Variants in TSNARE1 observed in about 807,000 individuals in gnomAD.
TSNARE1 encodes the protein t-SNARE domain containing 1.
Under a neutral mutation model 62.0 loss-of-function variants are expected in TSNARE1, and 49 were observed. The ratio of observed to expected loss-of-function variants is 0.79; its 90% CI spans 0.63 to 1.00. The LOEUF (loss-of-function observed/expected upper bound fraction) is 1.00, where lower values mean the gene tolerates loss of function less well. Among genes scored for constraint, TSNARE1 ranks in the 50% least tolerant of loss-of-function variants. The pLI is 0.00. For missense variants in TSNARE1, 755 were observed against 700.1 expected (o/e 1.08, Z -0.88); for synonymous variants, 328 against 294.4 (o/e 1.11, Z -1.17).
intron 1 of TSNARE1, among the ~76,000 whole-genome samples, chr8:142,382,460 C>A (rs569115330): frequency 1.5e-4 from 23 of 152,326 alleles, no homozygotes; most frequent in African/African-American, 5.5e-4. Context: ...CCCTTCTGCT[C>A]GGGATGGCAG....
At chr8:142,218,859 C>A (rs1258768064) in intron 13 of TSNARE1, among the ~76,000 whole-genome samples, 1 of 152,222 alleles carries the variant, frequency 6.6e-6, no homozygotes, top group Non-Finnish European at 1.5e-5. Context: ...ATATTTAACT[C>A]TCTTCTGTGG....
intron 10 of TSNARE1, among the ~76,000 whole-genome samples, chr8:142,290,009 T>C (rs1235678640): frequency 6.6e-6 from 1 of 152,130 alleles, no homozygotes; most frequent in African/African-American, 2.4e-5. Context: ...CCCCAGGCAC[T>C]GTGGGCCCTG....
intron 6 of TSNARE1, among the ~76,000 whole-genome samples, chr8:142,329,590 C>G: frequency 6.6e-6 from 1 of 152,214 alleles, no homozygotes; most frequent in East Asian, 1.9e-4. Flanking sequence ...AAGTTATCTG[C>G]ATCAACAGGG....
At chr8:142,270,970 T>C (rs960297953) in intron 12 of TSNARE1, 11 of 985,092 alleles carry the variant, frequency 1.1e-5, no homozygotes, top group Non-Finnish European at 1.3e-5. Context: ...TGGACTGGAG[T>C]TGTCCCGGTG....
intron 1 of TSNARE1, among the ~76,000 whole-genome samples, chr8:142,358,739 C>A (rs1367933398): frequency 6.6e-6 from 1 of 151,364 alleles, no homozygotes; most frequent in Non-Finnish European, 1.5e-5. Flanking sequence ...CCCAGCAAGC[C>A]ACTCTGGGCC....
chr8:142,282,185 G>A (rs1821608827), intron 11 of TSNARE1, among the ~76,000 whole-genome samples: 1 of 152,144 alleles, frequency 6.6e-6, no homozygotes, highest in Non-Finnish European at 1.5e-5. Flanking sequence ...CCCTGGCCAG[G>A]CCTGCACGTT....
At chr8:142,354,297 C>T (rs1465930280) in intron 2 of TSNARE1, among the ~76,000 whole-genome samples, 3 of 152,116 alleles carry the variant, frequency 2.0e-5, no homozygotes, top group Admixed American at 6.5e-5. Context: ...TGCTCCACAC[C>T]GTCATTAGGA....
At chr8:142,249,489 G>T (rs530082457) in intron 12 of TSNARE1, among the ~76,000 whole-genome samples, 217 of 152,286 alleles carry the variant, frequency 1.4e-3, no homozygotes, top group African/African-American at 5.1e-3. Flanking sequence ...CCCGAGGAGG[G>T]CAGGTCCTGG....
At chr8:142,305,874 C>T (rs1022764947) in intron 9 of TSNARE1, among the ~76,000 whole-genome samples, 1 of 152,208 alleles carries the variant, frequency 6.6e-6, no homozygotes, top group African/African-American at 2.4e-5. Flanking sequence ...GAGACATGCT[C>T]TAACGTGAGT....
At chr8:142,307,229 G>A (rs1316733430) in intron 9 of TSNARE1, among the ~76,000 whole-genome samples, 1 of 152,136 alleles carries the variant, frequency 6.6e-6, no homozygotes, top group African/African-American at 2.4e-5. Flanking sequence ...TCACCAGTGG[G>A]CGTGGTGGCC....
intron 1 of TSNARE1, among the ~76,000 whole-genome samples, chr8:142,366,341 CTAATAAA>C (rs1835550558): frequency 6.6e-6 from 1 of 152,036 alleles, no homozygotes; most frequent in Non-Finnish European, 1.5e-5. Flanking sequence ...TCACCAAAAC[CTAATAAA>C]CCTAGTCTAA....
intron 2 of TSNARE1, 99 bp downstream of exon 2, chr8:142,354,538 C>T (rs1834536518): frequency 2.4e-6 from 2 of 824,550 alleles, no homozygotes; most frequent in African/African-American, 1.7e-5. Flanking sequence ...CTCAAAAGAA[C>T]AGAACTGGTT....
intron 6 of TSNARE1, among the ~76,000 whole-genome samples, chr8:142,325,424 TA>T (rs1474996479): frequency 6.6e-6 from 1 of 151,904 alleles, no homozygotes; most frequent in Non-Finnish European, 1.5e-5. Context: ...GGGGCAAGAC[TA>T]GGGGTGGGGA....
intron 12 of TSNARE1, among the ~76,000 whole-genome samples, chr8:142,265,686 T>C (rs558915534): frequency 6.6e-6 from 1 of 152,222 alleles, no homozygotes; most frequent in African/African-American, 2.4e-5. Context: ...TTTTTCAGAG[T>C]GGCTGTAACA....
At position 142,325,476 on chromosome 8, in the gene TSNARE1, G is replaced by T. The variant is rs11998361; in HGVS notation, c.893+5425C>A. 4.5e-3 allele frequency among the ~76,000 whole-genome samples: 688 copies of T among 152,348 alleles called. 8 individuals are homozygous for T. Among genetic ancestry groups the T allele is most frequent in the African/African-American group, 0.015 (643 of 41,576 alleles). ...GTGCAGGAGCCCAGGGGCCAAGGCC[G>T]GGCCTGGACCAGGAGGTGGAGAGGA... is the stretch of plus-strand genomic sequence containing the variant. On this transcript the variant is annotated intron_variant, in intron 6 of 13. Coordinates refer to ENST00000524325, the MANE Select transcript of TSNARE1 (RefSeq NM_145003.5).
intron 4 of TSNARE1, among the ~76,000 whole-genome samples, chr8:142,333,270 C>T (rs1013305756): frequency 1.2e-4 from 18 of 152,234 alleles, no homozygotes; most frequent in Admixed American, 7.8e-4. Context: ...GAAGGAAGCA[C>T]GGGGGGCCGA....
rs1818586952 is a variant in TSNARE1, at chr8:142,256,536, C to CCATCACCACCATCACCATCACCAT, written c.1446+18244_1446+18245insATGGTGATGGTGATGGTGGTGATG. ...ACCACCACCACAACCATCACCATCA[C>CCATCACCACCATCACCATCACCAT]CATCACCACCATCACCATCACCACC... On this transcript the variant is annotated intron_variant, in intron 12 of 13. Coordinates refer to ENST00000524325, the MANE Select transcript of TSNARE1 (RefSeq NM_145003.5). Among the ~76,000 whole-genome samples, 3 of 42,116 alleles carry CCATCACCACCATCACCATCACCAT rather than the reference C, an allele frequency of 7.1e-5. 1 individual carries two copies. Among genetic ancestry groups the CCATCACCACCATCACCATCACCAT allele is most frequent in the Non-Finnish European group, 2.8e-4 (3 of 10,744 alleles). 27.6% of individuals were successfully genotyped at this position (42,116 alleles called of 152,430 possible). A position where few individuals can be genotyped will look rare whatever the true frequency, so the allele number is the denominator to read the frequency against.
intron 1 of TSNARE1, among the ~76,000 whole-genome samples, chr8:142,369,999 G>A (rs1024500407): frequency 5.9e-5 from 9 of 152,154 alleles, no homozygotes; most frequent in Admixed American, 4.6e-4. Flanking sequence ...CCTTTTAGGA[G>A]GTAATGAGAT....
intron 12 of TSNARE1, among the ~76,000 whole-genome samples, chr8:142,232,616 C>T (rs904932963): frequency 3.1e-4 from 47 of 152,326 alleles, no homozygotes; most frequent in African/African-American, 8.4e-4. Flanking sequence ...AGGGAAAGGA[C>T]GCCCAGGGAC....
Sources: allele counts gnomAD v4.1 joint callset (sites outside exome capture counted in the v4.1 genomes callset), GRCh38; gene constraint gnomAD v4.1.1; transcripts MANE v1.5; gene names NCBI Gene and HGNC (gene_info 2026-07-23, HGNC 2026-07-21).